Variants in GDPD5 observed in about 807,000 individuals in gnomAD.
The protein encoded by GDPD5 is glycerophosphodiester phosphodiesterase 2.
A neutral mutation model predicts 75.1 loss-of-function variants in GDPD5; 48 were observed. The observed-to-expected ratio is 0.64, with a 90% CI of 0.51 to 0.81. GDPD5 has a LOEUF of 0.81. Ranked by LOEUF, GDPD5 falls within the 40% of genes least tolerant of loss-of-function variation. GDPD5 has a pLI of 0.00. For missense variants in GDPD5, 706 were observed against 822.6 expected (o/e 0.86, Z 1.73); for synonymous variants, 336 against 339.0 (o/e 0.99, Z 0.10).
intron 2 of GDPD5, among the ~76,000 whole-genome samples, chr11:75,488,714 C>T (rs1431391522): frequency 6.6e-6 from 1 of 152,198 alleles, no homozygotes; most frequent in African/African-American, 2.4e-5. Flanking sequence ...CTGATTCCCC[C>T]CAACAAAAGC....
At chr11:75,482,634 C>T (rs139452261) in intron 2 of GDPD5, among the ~76,000 whole-genome samples, 1 of 152,348 alleles carries the variant, frequency 6.6e-6, no homozygotes, top group Non-Finnish European at 1.5e-5. Flanking sequence ...CTCTTACCTG[C>T]AGCTGGACTG....
chr11:75,444,099 T>G (rs1170976891), intron 10 of GDPD5, among the ~76,000 whole-genome samples: 2 of 152,234 alleles, frequency 1.3e-5, no homozygotes, highest in Non-Finnish European at 2.9e-5. Flanking sequence ...AAAACGTAAC[T>G]GGAGTCACAG....
intron 4 of GDPD5, among the ~76,000 whole-genome samples, chr11:75,461,692 G>T (rs1949416888): frequency 6.6e-6 from 1 of 152,204 alleles, no homozygotes; most frequent in Non-Finnish European, 1.5e-5. Context: ...GACCTGATGA[G>T]GTCAGAGTTA....
At chr11:75,480,751 C>T (rs1410982640) in intron 2 of GDPD5, among the ~76,000 whole-genome samples, 1 of 152,154 alleles carries the variant, frequency 6.6e-6, no homozygotes, top group Admixed American at 6.5e-5. Flanking sequence ...TGATCTGCCA[C>T]CTATTTTTGT....
At chr11:75,498,933 T>C (rs951264824) in intron 1 of GDPD5, among the ~76,000 whole-genome samples, 8 of 152,164 alleles carry the variant, frequency 5.3e-5, no homozygotes, top group Non-Finnish European at 7.4e-5. Context: ...ACAGTGTCCC[T>C]CTGGAAGACA....
At position 75,469,928 on chromosome 11, in the gene GDPD5, G is replaced by A. The variant is rs1018624744; in HGVS notation, c.118-7039C>T. On this transcript the variant is annotated intron_variant, in intron 3 of 16. Coordinates refer to ENST00000336898, the MANE Select transcript of GDPD5 (RefSeq NM_030792.8). ...TTCTCTTCCAGTCATCTACGTACAC[G>A]TGTTGAGCCCTTAGACACTCAGAGA... Among the ~76,000 whole-genome samples, 4 of 152,108 alleles carry A rather than the reference G, an allele frequency of 2.6e-5. No individual in the cohort carries two copies. In the East Asian group the frequency reaches 5.8e-4, roughly 22 times the overall value.
intron 1 of GDPD5, among the ~76,000 whole-genome samples, chr11:75,496,546 G>C (rs1413381021): frequency 6.6e-6 from 1 of 152,194 alleles, no homozygotes; most frequent in Non-Finnish European, 1.5e-5. Flanking sequence ...GACGTGACAG[G>C]ACTGTGTAAA....
chr11:75,509,156 A>T (rs1360658750), intron 1 of GDPD5, among the ~76,000 whole-genome samples: 3 of 152,126 alleles, frequency 2.0e-5, no homozygotes, highest in Non-Finnish European at 4.4e-5. Context: ...TTAGACCCAG[A>T]CTGTAAACAG....
intron 3 of GDPD5, among the ~76,000 whole-genome samples, chr11:75,472,243 G>A (rs924368271): frequency 1.3e-5 from 2 of 152,080 alleles, no homozygotes; most frequent in African/African-American, 2.4e-5. Flanking sequence ...TGGGAGGCAG[G>A]GTCAAGTTCA....
At position 75,525,389 on chromosome 11, in the gene GDPD5, C is replaced by G. The variant is rs1008804551; in HGVS notation, c.-324G>C. On this transcript the variant is annotated 5_prime_UTR_variant, in exon 1 of 17. Transcript: ENST00000336898. Reference sequence around the variant, plus strand: ...TAGGACCCCTCACCGAGCGCACGACCCGGCCAGGGCTTCCCGGGCGCTCGC... The same window carrying G: ...TAGGACCCCTCACCGAGCGCACGACGCGGCCAGGGCTTCCCGGGCGCTCGC... 1 of 152,292 alleles carries G rather than the reference C, an allele frequency of 6.6e-6. No homozygotes were observed. Among genetic ancestry groups the G allele is most frequent in the Non-Finnish European group, 1.5e-5 (1 of 68,094 alleles). 9.4% of individuals were successfully genotyped at this position (152,292 alleles called of 1,614,324 possible).
intron 1 of GDPD5, among the ~76,000 whole-genome samples, chr11:75,508,698 C>T (rs1950454022): frequency 6.6e-6 from 1 of 152,160 alleles, no homozygotes; most frequent in South Asian, 2.1e-4. Flanking sequence ...CCACTGTGGC[C>T]CCCATGCCAA....
At chr11:75,488,262 A>G (rs1341184902) in intron 2 of GDPD5, among the ~76,000 whole-genome samples, 2 of 152,114 alleles carry the variant, frequency 1.3e-5, no homozygotes, top group Non-Finnish European at 2.9e-5. Flanking sequence ...TCTGGGGAGC[A>G]GGCAGAGCCA....
At chr11:75,492,977 G>A (rs1215029807) in intron 1 of GDPD5, among the ~76,000 whole-genome samples, 2 of 152,012 alleles carry the variant, frequency 1.3e-5, no homozygotes, top group Non-Finnish European at 2.9e-5. Flanking sequence ...TGATCCACCC[G>A]CCTTGGCCTC....
Position 75,477,706 on chromosome 11 carries a change from G to C in GDPD5, c.30C>G (p.Tyr10Ter). Residue 10 changes from tyrosine (Y) to a stop codon, truncating the protein, a stop_gained, in exon 3 of 17, where the codon TAC becomes TAG. Transcript: ENST00000336898. LOFTEE classifies it high-confidence loss of function. Reference protein sequence around the residue: MVRHQPLQYYEPQLCLSCLT... With the variant: MVRHQPLQY ...GGCAGGAGAGGCACAGCTGTGGCTC[G>C]TAGTACTGCAGGGGCTGGTGTCTCA... 1 of 1,593,812 alleles carries C rather than the reference G, an allele frequency of 6.3e-7. No individual in the cohort carries two copies. Among genetic ancestry groups the C allele is most frequent in the Non-Finnish European group, 8.6e-7 (1 of 1,165,296 alleles).
chr11:75,486,872 G>A (rs186331976), intron 2 of GDPD5, among the ~76,000 whole-genome samples: 7 of 152,228 alleles, frequency 4.6e-5, no homozygotes, highest in African/African-American at 1.7e-4. Flanking sequence ...GGAGAAGGAA[G>A]GGCATTTTAG....
At chr11:75,437,302 G>A in intron 15 of GDPD5, 1 of 517,636 alleles carries the variant, frequency 1.9e-6, no homozygotes, top group Non-Finnish European at 3.4e-6. Context: ...CCCAGGACTA[G>A]GGTTGGTTAG....
At position 75,441,678 on chromosome 11, in the gene GDPD5, C is replaced by T. The variant is rs148490243; in HGVS notation, c.1293G>A (p.Leu431=). The T allele has an allele frequency of 1.9e-6, 3 of 1,602,488 alleles. No homozygotes were observed. Among genetic ancestry groups the T allele is most frequent in the Middle Eastern group, 3.5e-4 (2 of 5,792 alleles). ...CCTGGCGGGACACCTGAGTGTAGCG[C>T]AGGTTCAGCCGCTGGATGTGGCCTC... ...LRRGHIQRLN[L]RYTQVSRQEL... is the part of the protein sequence containing the mutation. The change falls in exon 13 of 17, where the codon CTG becomes CTA. Residue 431 remains leucine (L), a synonymous_variant. Coordinates refer to ENST00000336898, the MANE Select transcript of GDPD5 (RefSeq NM_030792.8).
chr11:75,503,732 G>A (rs985035760), intron 1 of GDPD5, among the ~76,000 whole-genome samples: 5 of 152,270 alleles, frequency 3.3e-5, no homozygotes, highest in African/African-American at 7.2e-5. Context: ...TGAGTCTGAC[G>A]TGAGTCTCCT....
intron 3 of GDPD5, among the ~76,000 whole-genome samples, chr11:75,466,827 G>A (rs766504280): frequency 6.6e-6 from 1 of 152,168 alleles, no homozygotes; most frequent in Non-Finnish European, 1.5e-5. Context: ...CGGGTGAGTG[G>A]AGGGGAGTCA....
Sources: allele counts gnomAD v4.1 joint callset (sites outside exome capture counted in the v4.1 genomes callset), GRCh38; gene constraint gnomAD v4.1.1; transcripts MANE v1.5; gene names NCBI Gene and HGNC (gene_info 2026-07-23, HGNC 2026-07-21).